The following ARHGEF10L variants were observed in gnomAD, a reference collection of about 807,000 sequenced individuals.
ARHGEF10L encodes the protein Rho guanine nucleotide exchange factor 10 like, also known as rho guanine nucleotide exchange factor 10-like protein.
In ARHGEF10L, 69 loss-of-function variants were observed where a neutral mutation model predicts 141.2. That is an observed-to-expected ratio of 0.49 (90% CI 0.40 to 0.60). The LOEUF (loss-of-function observed/expected upper bound fraction) is 0.60, where lower values mean the gene tolerates loss of function less well. ARHGEF10L is among the 20% of genes least tolerant of loss of function. The pLI, the probability that ARHGEF10L is intolerant of heterozygous loss-of-function variation, is 0.00. For missense variants in ARHGEF10L, 1,482 were observed against 1,734.3 expected, an observed-to-expected ratio of 0.85 and a Z score of 2.58; for synonymous variants, 711 against 718.5, an observed-to-expected ratio of 0.99 and a Z score of 0.17.
At position 17,627,645 on chromosome 1, in the gene ARHGEF10L, T is replaced by C; in HGVS notation, c.1584+142T>C. ...GCCTTGCTCTTCCAAGGATGTGACC[T>C]TGGGGATTGGATCCTCAGCGGGACC... is the stretch of plus-strand genomic sequence containing the variant. On this transcript the variant is annotated intron_variant, in intron 15 of 28. Coordinates refer to ENST00000361221, the MANE Select transcript of ARHGEF10L (RefSeq NM_018125.4). This position sits in a 1 kb window ranked among gnomAD's most constrained non-coding sequence, Gnocchi z 4.0. The C allele has an allele frequency of 9.7e-7, 1 of 1,032,866 alleles. No individual in the cohort carries two copies. Among genetic ancestry groups the C allele is most frequent in the Non-Finnish European group, 1.4e-6 (1 of 726,552 alleles). The allele number at this position is 1,032,866 out of a possible 1,614,324, so 64.0% of individuals were successfully genotyped here.
At chr1:17,557,911 C>T (rs1178051448) in intron 1 of ARHGEF10L, among the ~76,000 whole-genome samples, 1 of 152,182 alleles carries the variant, frequency 6.6e-6, no homozygotes, top group Non-Finnish European at 1.5e-5. Flanking sequence ...TCCTGGGTTG[C>T]TGAGCTCCAG....
intron 15 of ARHGEF10L, 65 bp from the exon 16 acceptor site, chr1:17,632,256 G>C: frequency 6.3e-7 from 1 of 1,596,228 alleles, no homozygotes; most frequent in Non-Finnish European, 8.5e-7. Flanking sequence ...AGGATTCTGG[G>C]TCTCCGGCGC....
At chr1:17,532,274 G>A in the ARHGEF10L span, among the ~76,000 whole-genome samples, 1 of 152,156 alleles carries the variant, frequency 6.6e-6, no homozygotes. Flanking sequence ...CTGGGAGCCT[G>A]GCCTGGTGCT....
the ARHGEF10L span, among the ~76,000 whole-genome samples, chr1:17,532,656 G>A: frequency 1.2e-4 from 18 of 149,946 alleles, no homozygotes; most frequent in East Asian, 1.4e-3. Flanking sequence ...GTGAAGTGGC[G>A]TGATCTCGGC....
chr1:17,671,080 G>A (rs1260836049), intron 26 of ARHGEF10L, among the ~76,000 whole-genome samples: 3 of 152,246 alleles, frequency 2.0e-5, no homozygotes, highest in South Asian at 2.1e-4. Flanking sequence ...CTGCACCGGC[G>A]CCTCACTGCC....
intron 4 of ARHGEF10L, among the ~76,000 whole-genome samples, chr1:17,588,880 G>GTGTGTGTGTGTGTGTGTGTGTGTGTC (rs2079274596): frequency 2.7e-5 from 2 of 74,504 alleles, no homozygotes; most frequent in South Asian, 5.3e-4. Flanking sequence ...GTGTGTGTGT[G>GTGTGTGTGTGTGTGTGTGTGTGTGTC]TGTGTGTGTG....
chr1:17,599,005 G>A (rs1385608866), intron 4 of ARHGEF10L, among the ~76,000 whole-genome samples: 1 of 152,090 alleles, frequency 6.6e-6, no homozygotes, highest in Non-Finnish European at 1.5e-5. Flanking sequence ...TTCCCCACCT[G>A]TAGAATAGGG....
intron 2 of ARHGEF10L, among the ~76,000 whole-genome samples, chr1:17,587,064 C>T (rs1311216185): frequency 6.6e-6 from 1 of 152,222 alleles, no homozygotes; most frequent in East Asian, 1.9e-4. Context: ...CTCATTTGCA[C>T]ACACAAAGCA....
At chr1:17,679,632 T>C (rs191147124) in intron 26 of ARHGEF10L, among the ~76,000 whole-genome samples, 58 of 152,326 alleles carry the variant, frequency 3.8e-4, no homozygotes, top group African/African-American at 1.3e-3. Flanking sequence ...AAGAATGAGA[T>C]AAAGACAGGG....
At chr1:17,596,267 A>G (rs561061127) in intron 4 of ARHGEF10L, among the ~76,000 whole-genome samples, 2 of 152,366 alleles carry the variant, frequency 1.3e-5, no homozygotes, top group Admixed American at 6.5e-5. Flanking sequence ...GGCCAGGGCC[A>G]AAAAGAGACC....
intron 1 of ARHGEF10L, among the ~76,000 whole-genome samples, chr1:17,564,989 A>G (rs2077690540): frequency 6.6e-6 from 1 of 152,168 alleles, no homozygotes; most frequent in African/African-American, 2.4e-5. Flanking sequence ...CTCCCACCCA[A>G]GGCCCCATTC....
intron 26 of ARHGEF10L, among the ~76,000 whole-genome samples, chr1:17,677,025 C>G (rs1328205454): frequency 6.6e-6 from 1 of 152,070 alleles, no homozygotes; most frequent in East Asian, 1.9e-4. Context: ...CCTGGCCGTG[C>G]TGTGTCCTCA....
chr1:17,595,801 G>A lies in ARHGEF10L; in HGVS notation c.258-6326G>A, dbSNP rs547585608. On this transcript the variant is annotated intron_variant, in intron 4 of 28. Transcript: ENST00000361221. Reference sequence around the variant, plus strand: ...AGCCCCTGTGCCAGAGGATTTACATGCCTTCTTTATTTACTCCGTACCAGA... The same window carrying A: ...AGCCCCTGTGCCAGAGGATTTACATACCTTCTTTATTTACTCCGTACCAGA... 1.6e-3 allele frequency among the ~76,000 whole-genome samples: 249 copies of A among 152,252 alleles called. 2 individuals carry two copies. The highest frequency in any genetic ancestry group is 2.9e-3 in the Admixed American group (44 of 15,302).
chr1:17,696,813 T>A, intron 28 of ARHGEF10L, 35 bp from the exon 29 acceptor site: 1 of 1,511,348 alleles, frequency 6.6e-7, no homozygotes, highest in Non-Finnish European at 8.9e-7. Flanking sequence ...CGCTGGGCCT[T>A]TGGGCCCCTT....
chr1:17,697,133 G>A lies in ARHGEF10L; in HGVS notation c.3593G>A (p.Gly1198Asp). ...ATGCGGGAGCCGGCGCCTGCTGATG[G>A]CGCAGCTTTGGAGCACAGCGAGGAG... is the stretch of plus-strand genomic sequence containing the variant. ...LSMREPAPAD[G>D]AALEHSEEDG... Residue 1198 changes from glycine (G) to aspartate (D), a missense_variant, in exon 29 of 29, where the codon GGC becomes GAC. Transcript: ENST00000361221. The surrounding 1 kb of genome is among the most constrained non-coding windows in gnomAD (Gnocchi z 4.8). 6.2e-7 allele frequency: 1 copy of A among 1,611,102 alleles called. No individual in the cohort carries two copies.
chr1:17,584,592 G>A (rs976404080), intron 2 of ARHGEF10L, among the ~76,000 whole-genome samples: 4 of 152,180 alleles, frequency 2.6e-5, no homozygotes, highest in Admixed American at 6.6e-5. Flanking sequence ...AGGGCAAACC[G>A]GGAGTCTCAG....
chr1:17,622,247 C>G (rs1014812086), intron 11 of ARHGEF10L, among the ~76,000 whole-genome samples: 1 of 152,162 alleles, frequency 6.6e-6, no homozygotes, highest in Non-Finnish European at 1.5e-5. Flanking sequence ...ACTCTGGAAG[C>G]CCCTGGGGCT....
At position 17,607,108 on chromosome 1, in the gene ARHGEF10L, T is replaced by C. The variant is rs1404908751; in HGVS notation, c.434-694T>C. 6.6e-6 allele frequency among the ~76,000 whole-genome samples: 1 copy of C among 152,216 alleles called. No individual in the cohort carries two copies. Among genetic ancestry groups the C allele is most frequent in the Non-Finnish European group, 1.5e-5 (1 of 68,034 alleles). On this transcript the variant is annotated intron_variant, in intron 6 of 28. Transcript: ENST00000361221. The surrounding 1 kb of genome is among the most constrained non-coding windows in gnomAD (Gnocchi z 4.5). ...TGAGGCCCCAACAATCTCTGTTTCA[T>C]TCCTGAGGATGCTGAGGGCCTGAGC...
chr1:17,602,233 C>T lies in ARHGEF10L; in HGVS notation c.349+15C>T, dbSNP rs200518962. 4.7e-5 allele frequency: 73 copies of T among 1,555,686 alleles called. No homozygotes were observed. In the East Asian group the frequency reaches 1.2e-3, roughly 26 times the overall value. On this transcript the variant is annotated intron_variant, in intron 5 of 28. Transcript: ENST00000361221. Reference sequence around the variant, plus strand: ...TTCCCGTCGCAGTAAGTCTCCCCTCCGGCCCACCGCCCACCCCAGGTAGCA... The same window carrying T: ...TTCCCGTCGCAGTAAGTCTCCCCTCTGGCCCACCGCCCACCCCAGGTAGCA...
Sources: allele counts gnomAD v4.1 joint callset (sites outside exome capture counted in the v4.1 genomes callset), GRCh38; gene constraint gnomAD v4.1.1; non-coding constraint Gnocchi (gnomAD v3.1); transcripts MANE v1.5; gene names NCBI Gene and HGNC (gene_info 2026-07-23, HGNC 2026-07-21).